BMPR1A: variants seen among roughly 807,000 people sequenced by gnomAD.
BMPR1A encodes the protein bone morphogenetic protein receptor type 1A, also known as bone morphogenetic protein receptor type-1A.
A neutral mutation model predicts 66.0 loss-of-function variants in BMPR1A; 7 were observed. The observed-to-expected ratio is 0.11, with a 90% CI of 0.06 to 0.20. The LOEUF (loss-of-function observed/expected upper bound fraction) is 0.20, where lower values mean the gene tolerates loss of function less well. Among genes scored for constraint, BMPR1A ranks in the 10% least tolerant of loss-of-function variants. The pLI is 1.00. For synonymous variants in BMPR1A, 200 were observed against 229.7 expected (o/e 0.87, Z 1.17); for missense variants, 408 against 669.1 (o/e 0.61, Z 4.31).
chr10:86,840,721 G>A (rs573814458), intron 2 of BMPR1A, among the ~76,000 whole-genome samples: 3 of 152,110 alleles, frequency 2.0e-5, no homozygotes, highest in Admixed American at 6.5e-5. Flanking sequence ...CTCTGCACCC[G>A]CTATTTCTCC....
At chr10:86,819,830 C>G (rs1022801993) in intron 1 of BMPR1A, among the ~76,000 whole-genome samples, 2 of 152,082 alleles carry the variant, frequency 1.3e-5, no homozygotes, top group African/African-American at 4.8e-5. Context: ...TACATGTTAA[C>G]TGTGAATAAT....
At chr10:86,800,176 AC>A (rs1841791330) in intron 1 of BMPR1A, among the ~76,000 whole-genome samples, 1 of 152,096 alleles carries the variant, frequency 6.6e-6, no homozygotes, top group Non-Finnish European at 1.5e-5. Context: ...CAGATTTCTG[AC>A]TCATCTTGAA....
intron 1 of BMPR1A, among the ~76,000 whole-genome samples, chr10:86,795,438 G>A (rs752436218): frequency 3.8e-4 from 57 of 149,770 alleles, no homozygotes; most frequent in Admixed American, 8.7e-4. Context: ...TCCTAACGCT[G>A]TAACAGTGAA....
intron 2 of BMPR1A, among the ~76,000 whole-genome samples, chr10:86,842,921 G>A (rs183769568): frequency 8.5e-5 from 13 of 152,262 alleles, no homozygotes; most frequent in African/African-American, 2.4e-4. Flanking sequence ...TTCCCACTGG[G>A]TCCCTCCCAC....
chr10:86,855,654 G>T, intron 2 of BMPR1A: 1 of 686,542 alleles, frequency 1.5e-6, no homozygotes, highest in South Asian at 1.8e-5. Flanking sequence ...GCTTTCTCCT[G>T]AGTATCTAAT....
intron 1 of BMPR1A, among the ~76,000 whole-genome samples, chr10:86,820,741 A>G (rs1042621213): frequency 1.3e-5 from 2 of 152,258 alleles, no homozygotes; most frequent in Admixed American, 6.5e-5. Context: ...TCACTGTTTC[A>G]TATACTTCTT....
At chr10:86,831,250 G>T (rs905547876) in intron 1 of BMPR1A, among the ~76,000 whole-genome samples, 1 of 152,138 alleles carries the variant, frequency 6.6e-6, no homozygotes, top group Admixed American at 6.5e-5. Context: ...GCGAGTACTT[G>T]TGTGTACGGT....
chr10:86,902,712 G>A (rs1296188048), intron 7 of BMPR1A, among the ~76,000 whole-genome samples: 1 of 152,224 alleles, frequency 6.6e-6, no homozygotes, highest in Non-Finnish European at 1.5e-5. Flanking sequence ...AGTGAGGTGA[G>A]CCTTGTGATT....
At chr10:86,893,132 A>C (rs1843176673) in intron 5 of BMPR1A, among the ~76,000 whole-genome samples, 1 of 152,196 alleles carries the variant, frequency 6.6e-6, no homozygotes, top group South Asian at 2.1e-4. Context: ...TAGATTATAA[A>C]ATTTACTGAG....
chr10:86,766,750 C>T (rs919920154), intron 1 of BMPR1A, among the ~76,000 whole-genome samples: 1 of 151,668 alleles, frequency 6.6e-6, no homozygotes, highest in African/African-American at 2.4e-5. Context: ...CGAGTACAGG[C>T]GCCCGCCATC....
At chr10:86,802,584 G>A (rs1841827167) in intron 1 of BMPR1A, among the ~76,000 whole-genome samples, 1 of 151,694 alleles carries the variant, frequency 6.6e-6, no homozygotes, top group African/African-American at 2.4e-5. Flanking sequence ...CATTTAACCA[G>A]TTGAGGTTCA....
At chr10:86,770,879 A>G (rs1841247988) in intron 1 of BMPR1A, among the ~76,000 whole-genome samples, 1 of 152,192 alleles carries the variant, frequency 6.6e-6, no homozygotes, top group African/African-American at 2.4e-5. Flanking sequence ...CCCTTTGTTA[A>G]GAGCCTTAAG....
intron 5 of BMPR1A, among the ~76,000 whole-genome samples, chr10:86,893,528 G>A (rs1441814444): frequency 1.3e-5 from 2 of 152,106 alleles, no homozygotes; most frequent in Non-Finnish European, 2.9e-5. Flanking sequence ...GGTGGCTCAC[G>A]CCTGTAATCC....
intron 3 of BMPR1A, among the ~76,000 whole-genome samples, chr10:86,889,151 G>A (rs1843112353): frequency 6.6e-6 from 1 of 152,164 alleles, no homozygotes; most frequent in Admixed American, 6.5e-5. Context: ...GTTCCGTTCT[G>A]CTTCCAGCCT....
At chr10:86,904,238 T>C (rs897221149) in intron 7 of BMPR1A, among the ~76,000 whole-genome samples, 1 of 152,200 alleles carries the variant, frequency 6.6e-6, no homozygotes, top group Non-Finnish European at 1.5e-5. Flanking sequence ...AATCCAGATA[T>C]CTGAAAGCTC....
intron 2 of BMPR1A, among the ~76,000 whole-genome samples, chr10:86,859,211 T>C (rs11202230): frequency 0.064 from 9,761 of 152,236 alleles, 471 homozygotes; most frequent in South Asian, 0.09. Context: ...GATATACATA[T>C]GCAGAGTGAA....
At chr10:86,888,548 C>T (rs918011590) in intron 3 of BMPR1A, among the ~76,000 whole-genome samples, 1 of 152,118 alleles carries the variant, frequency 6.6e-6, no homozygotes, top group Non-Finnish European at 1.5e-5. Context: ...GGTTATTGGC[C>T]AGGCATAGTG....
intron 2 of BMPR1A, among the ~76,000 whole-genome samples, chr10:86,865,667 C>T (rs1285172832): frequency 6.6e-6 from 1 of 152,122 alleles, no homozygotes; most frequent in Non-Finnish European, 1.5e-5. Flanking sequence ...TCCCCTGCCC[C>T]CACAAAAAAA....
intron 1 of BMPR1A, among the ~76,000 whole-genome samples, chr10:86,773,498 CAAGAGAATCACTTGA>C (rs927859615): frequency 1.1e-4 from 16 of 148,774 alleles, no homozygotes; most frequent in Non-Finnish European, 1.0e-4. Context: ...GAAGCTGAGG[CAAGAGAATCACTTGA>C]ACCCGGGAGG....
Sources: allele counts gnomAD v4.1 joint callset (sites outside exome capture counted in the v4.1 genomes callset), GRCh38; gene constraint gnomAD v4.1.1; transcripts MANE v1.5; gene names NCBI Gene and HGNC (gene_info 2026-07-23, HGNC 2026-07-21).